Variants in CACNA2D4 observed in about 807,000 individuals in gnomAD.
CACNA2D4 encodes the protein calcium voltage-gated channel auxiliary subunit alpha2delta 4.
A neutral mutation model predicts 163.8 loss-of-function variants in CACNA2D4; 157 were observed. The ratio of observed to expected loss-of-function variants is 0.96; its 90% CI spans 0.84 to 1.09. The LOEUF (loss-of-function observed/expected upper bound fraction) is 1.09, where lower values mean the gene tolerates loss of function less well. CACNA2D4 is among the 50% of genes least tolerant of loss of function. CACNA2D4 has a pLI of 0.00. For synonymous variants in CACNA2D4, 598 were observed against 586.9 expected (o/e 1.02, Z -0.27); for missense variants, 1,410 against 1,479.9 (o/e 0.95, Z 0.78).
rs1865958445 is a variant in CACNA2D4 at position 1,879,895 on chromosome 12, G to A, written c.1486-14C>T. Reference sequence around the variant, plus strand: ...CGAGCTGAGGAGCTGTAAGGGAGGGGAGAACAGGGGTCAGAAGGTGCGGCC... The same window carrying A: ...CGAGCTGAGGAGCTGTAAGGGAGGGAAGAACAGGGGTCAGAAGGTGCGGCC... On this transcript the variant is annotated splice_polypyrimidine_tract_variant and intron_variant, in intron 13 of 37. Transcript: ENST00000382722. The A allele has an allele frequency of 6.3e-7, 1 of 1,581,516 alleles. No individual in the cohort carries two copies. Among genetic ancestry groups the A allele is most frequent in the Non-Finnish European group, 8.6e-7 (1 of 1,162,592 alleles).
At chr12:1,832,630 A>G (rs1306647755) in intron 26 of CACNA2D4, among the ~76,000 whole-genome samples, 1 of 152,212 alleles carries the variant, frequency 6.6e-6, no homozygotes, top group African/African-American at 2.4e-5. Context: ...GTGTTAGTTA[A>G]TTAAAAATGT....
rs1555176997 is a variant in CACNA2D4 at position 1,820,246 on chromosome 12, C to CGGCGGGGCGGGGGGGGGGG, written c.2552-8524_2552-8523insCCCCCCCCCCCGCCCCGCC. ...GAGAGGCACAGAAGACAGGTGCAGC[C>CGGCGGGGCGGGGGGGGGGG]GGGGGGGTGAGGGAGAGCCTGGAGG... On this transcript the variant is annotated intron_variant, in intron 26 of 37. Transcript: ENST00000382722. The surrounding 1 kb of genome is among the most constrained non-coding windows in gnomAD (Gnocchi z 6.0). The CGGCGGGGCGGGGGGGGGGG allele has an allele frequency of 6.6e-6, 1 of 150,986 alleles. No individual in the cohort carries two copies. Among genetic ancestry groups the CGGCGGGGCGGGGGGGGGGG allele is most frequent in the African/African-American group, 2.5e-5 (1 of 40,348 alleles). The allele number at this position is 150,986 out of a possible 1,614,324, so 9.4% of individuals were successfully genotyped here.
chr12:1,910,683 A>G (rs1866790039), intron 3 of CACNA2D4, among the ~76,000 whole-genome samples: 1 of 152,242 alleles, frequency 6.6e-6, no homozygotes, highest in Non-Finnish European at 1.5e-5. Flanking sequence ...AAAGGAATGA[A>G]GTGCTGATGC....
chr12:1,834,616 C>T lies in CACNA2D4; in HGVS notation c.2551+6123G>A. 3 of 1,600,082 alleles carry T rather than the reference C, an allele frequency of 1.9e-6. No homozygotes were observed. Among genetic ancestry groups the T allele is most frequent in the Non-Finnish European group, 2.5e-6 (3 of 1,179,918 alleles). The stretch of plus-strand genomic sequence containing the variant: ...CCGCTGCCTATGGCTGCATCTACGC[C>T]TCCCTCATGGCCAAGTACCACCGGG... On this transcript the variant is annotated intron_variant, in intron 26 of 37. Transcript: ENST00000382722. The surrounding 1 kb of genome is among the most constrained non-coding windows in gnomAD (Gnocchi z 7.6).
chr12:1,816,140 G>A (rs1289927848), intron 26 of CACNA2D4, among the ~76,000 whole-genome samples: 1 of 152,184 alleles, frequency 6.6e-6, no homozygotes, highest in African/African-American at 2.4e-5. Flanking sequence ...TCAGGTGAGT[G>A]GTTACTTGCG....
chr12:1,795,214 G>T, intron 37 of CACNA2D4, 85 bp downstream of exon 37: 2 of 1,244,066 alleles, frequency 1.6e-6, no homozygotes, highest in Non-Finnish European at 2.3e-6. Flanking sequence ...ATCCCTATAT[G>T]CTCCTGTCTG....
chr12:1,892,713 A>G (rs1206278488), intron 6 of CACNA2D4, among the ~76,000 whole-genome samples: 1 of 152,214 alleles, frequency 6.6e-6, no homozygotes, highest in Non-Finnish European at 1.5e-5. Flanking sequence ...TGGTTTAAAA[A>G]AAAAGGGACC....
rs758649940 is a variant in CACNA2D4, at chr12:1,909,909, C to T, written c.483G>A (p.Leu161=). The change falls in exon 4 of 38, where the codon CTG becomes CTA. Residue 161 remains leucine (L), a synonymous_variant. Transcript: ENST00000382722. ...ADLNHEFNES[L]VFDYYNSVLI... is the part of the protein sequence containing the mutation. The stretch of plus-strand genomic sequence containing the variant: ...CAGTGCCAGGAGTGGGACTCACCAC[C>T]AGGGATTCATTGAATTCGTGGTTCA... 5 of 1,613,486 alleles carry T rather than the reference C, an allele frequency of 3.1e-6. No homozygotes were observed. The highest frequency in any genetic ancestry group is 1.3e-5 in the African/African-American group (1 of 74,940).
chr12:1,822,000 C>T (rs1592675643), intron 26 of CACNA2D4: 1 of 152,058 alleles, frequency 6.6e-6, no homozygotes, highest in Non-Finnish European at 1.5e-5. Flanking sequence ...GGGGGAAGTC[C>T]AGCTGGTAGG....
intron 16 of CACNA2D4, among the ~76,000 whole-genome samples, chr12:1,876,929 C>T (rs991669092): frequency 6.6e-6 from 1 of 152,264 alleles, no homozygotes; most frequent in Non-Finnish European, 1.5e-5. Flanking sequence ...GGAAAGATTT[C>T]AGTCCAATGG....
intron 12 of CACNA2D4, 132 bp downstream of exon 12, chr12:1,884,111 G>T: frequency 1.5e-6 from 1 of 658,810 alleles, no homozygotes. Context: ...GACTGAGGCT[G>T]CTGTTCTTGA....
At chr12:1,871,146 G>GCATA (rs1488149548) in intron 18 of CACNA2D4, among the ~76,000 whole-genome samples, 2 of 151,060 alleles carry the variant, frequency 1.3e-5, no homozygotes, top group Non-Finnish European at 3.0e-5. Flanking sequence ...GCTGGTGTGT[G>GCATA]TGTACACATG....
rs140548264 is a variant in CACNA2D4 at position 1,819,825 on chromosome 12, G to C, written c.2552-8102C>G. 3.2e-3 allele frequency among the ~76,000 whole-genome samples: 487 copies of C among 152,296 alleles called. 5 individuals are homozygous for C. The highest frequency in any genetic ancestry group is 0.011 in the African/African-American group (460 of 41,556). On this transcript the variant is annotated intron_variant, in intron 26 of 37. Coordinates refer to ENST00000382722, the MANE Select transcript of CACNA2D4 (RefSeq NM_172364.5). ...CAAGCTCGTCCCTGGCACTGAGAACGGTCTGCAGGCTGCTGCTGCAGGCTG... is the reference window on the plus strand; with the variant it reads ...CAAGCTCGTCCCTGGCACTGAGAACCGTCTGCAGGCTGCTGCTGCAGGCTG...
At chr12:1,842,538 C>T (rs1209488838) in intron 25 of CACNA2D4, among the ~76,000 whole-genome samples, 1 of 152,132 alleles carries the variant, frequency 6.6e-6, no homozygotes, top group East Asian at 1.9e-4. Context: ...GAAGTGGGCC[C>T]CGCCTCCCTC....
intron 6 of CACNA2D4, among the ~76,000 whole-genome samples, chr12:1,903,819 C>CA (rs1866594059): frequency 1.3e-5 from 2 of 151,940 alleles, no homozygotes; most frequent in African/African-American, 4.8e-5. Context: ...TGAGGTTCCT[C>CA]AAAAAACTAG....
chr12:1,890,619 G>A (rs1177276620), intron 6 of CACNA2D4, among the ~76,000 whole-genome samples: 1 of 152,194 alleles, frequency 6.6e-6, no homozygotes, highest in Non-Finnish European at 1.5e-5. Context: ...CCCAATAGCA[G>A]GGCTGCCACA....
rs371178386 is a variant in CACNA2D4 at position 1,854,027 on chromosome 12, G to A, written c.2170C>T (p.Arg724Trp). ...PDLECDEELV[R>W]EVLFDAVVTA... Reference sequence around the variant, plus strand: ...ACCACCGCGTCAAACAGCACCTCCCGGACCAGCTCCTCGTCACCTGGGTGC... The same window carrying A: ...ACCACCGCGTCAAACAGCACCTCCCAGACCAGCTCCTCGTCACCTGGGTGC... The change falls in exon 23 of 38, where the codon CGG (arginine) becomes TGG (tryptophan). Residue 724 changes from arginine to tryptophan, a missense_variant. Coordinates refer to ENST00000382722, the MANE Select transcript of CACNA2D4 (RefSeq NM_172364.5). 1.4e-4 allele frequency: 227 copies of A among 1,610,990 alleles called. No individual in the cohort carries two copies. The highest frequency in any genetic ancestry group is 2.1e-4 in the African/African-American group (16 of 74,970).
rs370342855 is a variant in CACNA2D4, at chr12:1,856,129, G to A, written c.2055-20C>T. Reference sequence around the variant, plus strand: ...TAGATCCTGAAACCCAGGAAAGTCAGTGTTATCTCAAAACATTCCACCTGT... The same window carrying A: ...TAGATCCTGAAACCCAGGAAAGTCAATGTTATCTCAAAACATTCCACCTGT... On this transcript the variant is annotated intron_variant, in intron 21 of 37. Transcript: ENST00000382722. 5.6e-6 allele frequency: 9 copies of A among 1,613,540 alleles called. No homozygotes were observed. In the South Asian group the frequency reaches 8.8e-5, roughly 16 times the overall value.
intron 6 of CACNA2D4, among the ~76,000 whole-genome samples, chr12:1,902,304 A>G (rs1215923004): frequency 6.6e-6 from 1 of 152,124 alleles, no homozygotes; most frequent in Non-Finnish European, 1.5e-5. Context: ...ATCTGGAACA[A>G]GACAAGGATG....
Sources: gnomAD v4.1 joint callset for allele counts (sites outside exome capture counted in the v4.1 genomes callset) on GRCh38, gnomAD v4.1.1 for gene constraint, Gnocchi (gnomAD v3.1) non-coding constraint, MANE v1.5 for transcripts, NCBI Gene and HGNC (gene_info 2026-07-23, HGNC 2026-07-21) for gene names.